Variants in ZNF407 observed in about 807,000 individuals in gnomAD.
The protein encoded by ZNF407 is zinc finger protein 407.
A neutral mutation model predicts 131.2 loss-of-function variants in ZNF407; 17 were observed. The ratio of observed to expected loss-of-function variants is 0.13; its 90% CI spans 0.09 to 0.19. The LOEUF (loss-of-function observed/expected upper bound fraction) is 0.19. Among genes scored for constraint, ZNF407 ranks in the 10% least tolerant of loss-of-function variants. ZNF407 has a pLI of 1.00. For missense variants in ZNF407, 2,681 were observed against 2,830.6 expected, an observed-to-expected ratio of 0.95 and a Z score of 1.20; for synonymous variants, 1,156 against 1,062.0, an observed-to-expected ratio of 1.09 and a Z score of -1.72.
intron 3 of ZNF407, among the ~76,000 whole-genome samples, chr18:74,646,185 G>C (rs1428331766): frequency 6.6e-6 from 1 of 152,182 alleles, no homozygotes; most frequent in Admixed American, 6.5e-5. Context: ...TTAGTCTGCT[G>C]TGAGAACTAA....
At chr18:75,039,496 A>C (rs997054680) in intron 8 of ZNF407, among the ~76,000 whole-genome samples, 20 of 152,316 alleles carry the variant, frequency 1.3e-4, no homozygotes, top group Non-Finnish European at 2.2e-4. Context: ...CTGCACAGTA[A>C]CGGTGCTGCA....
chr18:74,804,372 C>T, intron 4 of ZNF407: 1 of 1,034,156 alleles, frequency 9.7e-7, no homozygotes, highest in Non-Finnish European at 1.2e-6. Context: ...TTTTTGTAAG[C>T]ATGCCATGTG....
chr18:74,941,976 T>G (rs187189453), intron 8 of ZNF407, among the ~76,000 whole-genome samples: 86 of 152,320 alleles, frequency 5.6e-4, no homozygotes, highest in African/African-American at 1.9e-3. Context: ...AGACTAAAAA[T>G]AGATGATCTT....
chr18:74,806,982 T>G (rs1221757490), intron 4 of ZNF407, among the ~76,000 whole-genome samples: 1 of 152,170 alleles, frequency 6.6e-6, no homozygotes, highest in African/African-American at 2.4e-5. Flanking sequence ...CCCATAGAGC[T>G]TACATTGTTA....
At chr18:74,727,822 A>G (rs1968194962) in intron 3 of ZNF407, among the ~76,000 whole-genome samples, 2 of 152,158 alleles carry the variant, frequency 1.3e-5, no homozygotes, top group African/African-American at 4.8e-5. Context: ...TGAAGATGAA[A>G]TCATTGAGCG....
intron 4 of ZNF407, among the ~76,000 whole-genome samples, chr18:74,848,568 CAAA>C (rs1568239944): frequency 1.3e-5 from 2 of 151,930 alleles, no homozygotes; most frequent in Non-Finnish European, 2.9e-5. Context: ...TAAAATATAA[CAAA>C]GAAACAGAAT....
At chr18:74,749,578 G>A (rs977339405) in intron 3 of ZNF407, among the ~76,000 whole-genome samples, 5 of 152,098 alleles carry the variant, frequency 3.3e-5, no homozygotes, top group African/African-American at 1.2e-4. Context: ...TGCAGTGAAA[G>A]AAAAAGAGGA....
chr18:74,820,836 G>A (rs939910924), intron 4 of ZNF407, among the ~76,000 whole-genome samples: 3 of 152,272 alleles, frequency 2.0e-5, no homozygotes, highest in South Asian at 2.1e-4. Context: ...CACCTATGCC[G>A]TGAAAGTTGT....
intron 8 of ZNF407, among the ~76,000 whole-genome samples, chr18:75,000,755 A>G (rs1972835657): frequency 6.6e-6 from 1 of 152,208 alleles, no homozygotes; most frequent in South Asian, 2.1e-4. Context: ...GTTGTAATTA[A>G]TATTTACCTG....
intron 3 of ZNF407, among the ~76,000 whole-genome samples, chr18:74,718,298 G>C (rs957429003): frequency 5.9e-5 from 9 of 151,358 alleles, no homozygotes; most frequent in African/African-American, 2.2e-4. Flanking sequence ...GTGTGCACTT[G>C]TGTATAAGAG....
intron 3 of ZNF407, among the ~76,000 whole-genome samples, chr18:74,718,224 T>C (rs144714489): frequency 7.6e-4 from 113 of 149,428 alleles, no homozygotes; most frequent in African/African-American, 2.3e-3. Context: ...CTCCCCTTCC[T>C]GGCTGCCAGA....
chr18:74,954,921 A>G (rs1972258693), intron 8 of ZNF407, among the ~76,000 whole-genome samples: 1 of 152,202 alleles, frequency 6.6e-6, no homozygotes, highest in East Asian at 1.9e-4. Context: ...TCCACTCTAA[A>G]TGGAGCCCCA....
At chr18:74,928,256 A>G (rs1056504364) in intron 8 of ZNF407, among the ~76,000 whole-genome samples, 6 of 152,222 alleles carry the variant, frequency 3.9e-5, no homozygotes, top group African/African-American at 1.2e-4. Context: ...GGTGGATTCA[A>G]AGATTTTCTG....
Position 74,703,325 on chromosome 18 carries a change from A to ATC in ZNF407, c.4802+62218_4802+62219dup, listed in dbSNP as rs1035399341. 1.1e-4 allele frequency among the ~76,000 whole-genome samples: 17 copies of ATC among 150,356 alleles called. No individual in the cohort carries two copies. The highest frequency in any genetic ancestry group is 2.7e-4 in the African/African-American group (11 of 40,830). On this transcript the variant is annotated intron_variant, in intron 3 of 8. Coordinates refer to ENST00000299687, the MANE Select transcript of ZNF407 (RefSeq NM_017757.3). This position sits in a 1 kb window ranked among gnomAD's most constrained non-coding sequence, Gnocchi z 4.1. The stretch of plus-strand genomic sequence containing the variant: ...ACAGAGCTACCACAGAGAGTTTTAG[A>ATC]TCTCTCTCTCTCTCTCCCCATGTGT...
At chr18:75,012,638 A>G (rs948271366) in intron 8 of ZNF407, among the ~76,000 whole-genome samples, 4 of 151,706 alleles carry the variant, frequency 2.6e-5, no homozygotes, top group African/African-American at 9.7e-5. Flanking sequence ...TCAACCCATC[A>G]CGCACCTTGG....
At chr18:74,618,727 G>A (rs991599878) in intron 1 of ZNF407, among the ~76,000 whole-genome samples, 28 of 152,050 alleles carry the variant, frequency 1.8e-4, no homozygotes, top group Admixed American at 5.9e-4. Context: ...AAGAAGAGGA[G>A]GAAAAGATTA....
At chr18:74,934,893 C>T (rs1275046748) in intron 8 of ZNF407, among the ~76,000 whole-genome samples, 1 of 152,114 alleles carries the variant, frequency 6.6e-6, no homozygotes, top group Non-Finnish European at 1.5e-5. Flanking sequence ...TAAAATAGTG[C>T]CTGCCACTTA....
chr18:74,676,363 A>G (rs1242347429), intron 3 of ZNF407, among the ~76,000 whole-genome samples: 1 of 151,742 alleles, frequency 6.6e-6, no homozygotes, highest in African/African-American at 2.4e-5. Context: ...AAGTGCTAGG[A>G]TTATAGGCAT....
At chr18:74,835,139 T>C (rs1970537413) in intron 4 of ZNF407, among the ~76,000 whole-genome samples, 1 of 152,156 alleles carries the variant, frequency 6.6e-6, no homozygotes, top group Non-Finnish European at 1.5e-5. Context: ...GCTCATAGTC[T>C]TTTTCCTGAC....
Sources: allele counts gnomAD v4.1 joint callset (sites outside exome capture counted in the v4.1 genomes callset), GRCh38; gene constraint gnomAD v4.1.1; non-coding constraint Gnocchi (gnomAD v3.1); transcripts MANE v1.5; gene names NCBI Gene and HGNC (gene_info 2026-07-23, HGNC 2026-07-21).